The following DISC1 variants were observed in gnomAD, a reference collection of about 807,000 sequenced individuals.
DISC1 encodes DISC1 scaffold protein.
A neutral mutation model predicts 84.5 loss-of-function variants in DISC1; 57 were observed. The observed-to-expected ratio is 0.67, with a 90% confidence interval of 0.55 to 0.84. The LOEUF (loss-of-function observed/expected upper bound fraction) is 0.84. Among genes scored for constraint, DISC1 ranks in the 40% least tolerant of loss-of-function variants. The pLI is 0.00. For synonymous variants in DISC1, 411 were observed against 415.2 expected (o/e 0.99, Z 0.12); for missense variants, 1,000 against 1,057.8 (o/e 0.95, Z 0.76).
chr1:231,769,863 A>G (rs1054550221), intron 5 of DISC1, among the ~76,000 whole-genome samples: 3 of 152,196 alleles, frequency 2.0e-5, no homozygotes, highest in Non-Finnish European at 4.4e-5. Context: ...TAGTTGAGAG[A>G]CTTTGTCAGT....
At chr1:231,808,738 G>A (rs1370584912) in intron 8 of DISC1, among the ~76,000 whole-genome samples, 2 of 152,182 alleles carry the variant, frequency 1.3e-5, no homozygotes, top group Non-Finnish European at 2.9e-5. Flanking sequence ...TGCCTTTCCT[G>A]TGTTCAGTTT....
chr1:231,655,673 A>G (rs1278201097), intron 1 of DISC1, among the ~76,000 whole-genome samples: 2 of 152,198 alleles, frequency 1.3e-5, no homozygotes, highest in African/African-American at 4.8e-5. Context: ...AGAAATCTCC[A>G]TACTGTTTTC....
chr1:231,781,273 ATG>A (rs1178875341), intron 6 of DISC1, among the ~76,000 whole-genome samples: 1 of 89,628 alleles, frequency 1.1e-5, no homozygotes, highest in Non-Finnish European at 2.2e-5. Context: ...GGGTGAAAAA[ATG>A]GATATGTATT....
rs142764640 is a variant in DISC1, at chr1:231,897,061, G to A, written c.1982-61767G>A. On this transcript the variant is annotated intron_variant, in intron 9 of 12. Coordinates refer to ENST00000439617, the MANE Select transcript of DISC1 (RefSeq NM_018662.3). The surrounding 1 kb of genome is among the most constrained non-coding windows in gnomAD (Gnocchi z 4.5). ...CCACGGGGCCAACACCACAGCAGGA[G>A]TGAAGAAGGAGCTGGAAGGGGAAGG... Among the ~76,000 whole-genome samples the A allele has an allele frequency of 1.3e-5, 2 of 152,348 alleles. No homozygotes were observed. Among genetic ancestry groups the A allele is most frequent in the East Asian group, 1.9e-4 (1 of 5,184 alleles).
At chr1:231,976,842 T>C (rs947727068) in intron 10 of DISC1, among the ~76,000 whole-genome samples, 7 of 152,220 alleles carry the variant, frequency 4.6e-5, no homozygotes, top group Admixed American at 4.6e-4. Flanking sequence ...GTTGGAAATG[T>C]CTGAAAATGA....
At chr1:231,908,397 T>C (rs1231866280) in intron 9 of DISC1, among the ~76,000 whole-genome samples, 1 of 152,226 alleles carries the variant, frequency 6.6e-6, no homozygotes, top group Non-Finnish European at 1.5e-5. Context: ...TACATATGGC[T>C]AGCCAGTTTT....
chr1:231,964,684 G>C (rs1276479210), intron 10 of DISC1, among the ~76,000 whole-genome samples: 1 of 152,220 alleles, frequency 6.6e-6, no homozygotes, highest in African/African-American at 2.4e-5. Context: ...CAGACACTCT[G>C]TGGGCTCCAC....
intron 9 of DISC1, among the ~76,000 whole-genome samples, chr1:231,824,332 A>G (rs2081705458): frequency 6.6e-6 from 1 of 152,172 alleles, no homozygotes. Context: ...ATTTAAAAAA[A>G]AATGTCAAAT....
At chr1:231,984,791 A>G (rs1480713609) in intron 10 of DISC1, among the ~76,000 whole-genome samples, 3 of 152,212 alleles carry the variant, frequency 2.0e-5, no homozygotes, top group African/African-American at 7.2e-5. Context: ...TTTGAGTTGG[A>G]TGAAGAACTG....
In DISC1 at chr1:232,037,914, TCAGTAACA is replaced by T. The variant is rs560294314; in HGVS notation, c.*1088_*1095del. 78 of 150,370 alleles carry T rather than the reference TCAGTAACA, an allele frequency of 5.2e-4. No individual in the cohort carries two copies. The highest frequency in any genetic ancestry group is 1.8e-3 in the African/African-American group (73 of 40,466). 9.3% of individuals were successfully genotyped at this position (150,370 alleles called of 1,614,324 possible). On this transcript the variant is annotated 3_prime_UTR_variant, in exon 13 of 13. Coordinates refer to ENST00000439617, the MANE Select transcript of DISC1 (RefSeq NM_018662.3). Reference sequence around the variant, plus strand: ...GGCAGTGCAATACTCAGTGCGGTACTCAGTAACACAGTGCAGTACTCAGTAACAGTGCA... The same window carrying T: ...GGCAGTGCAATACTCAGTGCGGTACTCAGTGCAGTACTCAGTAACAGTGCA...
At chr1:231,720,441 C>T (rs967329515) in intron 3 of DISC1, among the ~76,000 whole-genome samples, 1 of 152,042 alleles carries the variant, frequency 6.6e-6, no homozygotes, top group Non-Finnish European at 1.5e-5. Flanking sequence ...TGGGCTTAGG[C>T]GATCCTCCTG....
intron 8 of DISC1, among the ~76,000 whole-genome samples, chr1:231,803,239 C>T (rs534021167): frequency 1.3e-5 from 2 of 152,252 alleles, no homozygotes; most frequent in South Asian, 4.1e-4. Context: ...AACATGGCTG[C>T]TGGGTTCCAA....
chr1:231,717,692 A>G (rs2068951952), intron 3 of DISC1, among the ~76,000 whole-genome samples: 1 of 152,216 alleles, frequency 6.6e-6, no homozygotes, highest in Non-Finnish European at 1.5e-5. Context: ...TCCAGGTCCC[A>G]TAGACTGAGC....
chr1:231,847,106 A>G (rs1471652568), intron 9 of DISC1, among the ~76,000 whole-genome samples: 1 of 151,950 alleles, frequency 6.6e-6, no homozygotes. Flanking sequence ...TTTTCTCCCA[A>G]CTCTGAAGGC....
intron 9 of DISC1, chr1:231,866,628 T>C (rs1480137122): frequency 1.9e-6 from 3 of 1,585,572 alleles, no homozygotes; most frequent in African/African-American, 1.3e-5. Context: ...AGAGTCTGAC[T>C]TCAGCCCCCA....
At chr1:231,847,136 T>C (rs1391360824) in intron 9 of DISC1, among the ~76,000 whole-genome samples, 1 of 152,100 alleles carries the variant, frequency 6.6e-6, no homozygotes, top group Non-Finnish European at 1.5e-5. Context: ...GAGATCAAGG[T>C]GTCAGCACAA....
Position 232,037,039 on chromosome 1 carries a change from G to T in DISC1, c.*208G>T. ...GGAATATGGAGAGAGAGACTGATTT[G>T]CTGAATTTCCTTCTAAATGTCACTC... On this transcript the variant is annotated 3_prime_UTR_variant, in exon 13 of 13. Transcript: ENST00000439617. 2.3e-6 allele frequency: 1 copy of T among 434,902 alleles called. No homozygotes were observed. Among genetic ancestry groups the T allele is most frequent in the Non-Finnish European group, 3.8e-6 (1 of 260,572 alleles). 26.9% of individuals were successfully genotyped at this position (434,902 alleles called of 1,614,324 possible). A position where few individuals can be genotyped will look rare whatever the true frequency, so the allele number is the denominator to read the frequency against.
chr1:231,685,579 A>G (rs2064167600), intron 1 of DISC1, among the ~76,000 whole-genome samples: 1 of 152,020 alleles, frequency 6.6e-6, no homozygotes, highest in African/African-American at 2.4e-5. Flanking sequence ...CAGCCTCCCG[A>G]GTAGCTGGGA....
chr1:231,941,214 G>T (rs1209893555), intron 9 of DISC1, among the ~76,000 whole-genome samples: 1 of 152,148 alleles, frequency 6.6e-6, no homozygotes, highest in Non-Finnish European at 1.5e-5. Context: ...CAGGCAGGAG[G>T]TGCTGAGTAT....
Sources: allele counts gnomAD v4.1 joint callset (sites outside exome capture counted in the v4.1 genomes callset), GRCh38; gene constraint gnomAD v4.1.1; non-coding constraint Gnocchi (gnomAD v3.1); transcripts MANE v1.5; gene names NCBI Gene and HGNC (gene_info 2026-07-23, HGNC 2026-07-21).